Variants in FAIM observed in about 807,000 individuals in gnomAD.
FAIM encodes the protein fas apoptotic inhibitory molecule 1.
Under a neutral mutation model 21.2 loss-of-function variants are expected in FAIM, and 14 were observed. That is an observed-to-expected ratio of 0.66 (90% confidence interval 0.44 to 1.03). The LOEUF (loss-of-function observed/expected upper bound fraction) is 1.03. FAIM is among the 50% of genes least tolerant of loss of function. The probability of loss-of-function intolerance (pLI) is 0.00; values close to 1 mark genes in which losing one functional copy is unlikely to be tolerated. For synonymous variants in FAIM, 86 were observed against 80.4 expected (o/e 1.07, Z -0.37); for missense variants, 222 against 247.1 (o/e 0.90, Z 0.68).
intron 5 of FAIM, chr3:138,631,157 T>C (rs1359458608): frequency 7.0e-6 from 1 of 143,318 alleles, no homozygotes; most frequent in South Asian, 2.2e-4. Flanking sequence ...AAAAAAAAAA[T>C]GCAGTTGTAA....
intron 1 of FAIM, among the ~76,000 whole-genome samples, chr3:138,610,118 A>G (rs1013528939): frequency 5.3e-5 from 8 of 152,182 alleles, no homozygotes; most frequent in African/African-American, 1.9e-4. Flanking sequence ...TGAAAAGGGA[A>G]CCATGAGCAT....
At chr3:138,622,706 A>G (rs1421383249) in intron 4 of FAIM, among the ~76,000 whole-genome samples, 2 of 152,046 alleles carry the variant, frequency 1.3e-5, no homozygotes, top group African/African-American at 4.8e-5. Flanking sequence ...GCCAGGTTTT[A>G]TAGTGATGGA....
intron 1 of FAIM, among the ~76,000 whole-genome samples, chr3:138,613,308 C>A (rs924168252): frequency 6.6e-6 from 1 of 152,142 alleles, no homozygotes; most frequent in African/African-American, 2.4e-5. Context: ...GTGTGAGCCA[C>A]TGCGCCCGGC....
intron 1 of FAIM, among the ~76,000 whole-genome samples, chr3:138,613,575 T>G (rs1001862084): frequency 6.6e-6 from 1 of 152,166 alleles, no homozygotes; most frequent in Non-Finnish European, 1.5e-5. Flanking sequence ...CCTTGACCTC[T>G]CAGGCTTAAG....
chr3:138,621,354 G>T (rs2042882584), intron 2 of FAIM, 53 bp from the exon 3 acceptor site: 2 of 1,532,396 alleles, frequency 1.3e-6, no homozygotes, highest in East Asian at 4.5e-5. Context: ...GGATTAATTG[G>T]TTATTTAATT....
intron 5 of FAIM, chr3:138,630,374 C>G (rs2042992334): frequency 6.6e-6 from 1 of 152,088 alleles, no homozygotes; most frequent in Non-Finnish European, 1.5e-5. Flanking sequence ...TGGCTTCCTA[C>G]TTGGGAGGCT....
chr3:138,616,448 A>G (rs1274524168), intron 1 of FAIM, among the ~76,000 whole-genome samples: 1 of 152,148 alleles, frequency 6.6e-6, no homozygotes, highest in Non-Finnish European at 1.5e-5. Flanking sequence ...TGGCATGGTC[A>G]TGGCTCACTG....
intron 4 of FAIM, among the ~76,000 whole-genome samples, chr3:138,626,533 A>AT (rs2042940622): frequency 2.0e-5 from 3 of 152,144 alleles, no homozygotes; most frequent in Admixed American, 2.0e-4. Context: ...ACTTTTTCAT[A>AT]TTTTTTATAG....
At chr3:138,612,770 C>T (rs989196193) in intron 1 of FAIM, among the ~76,000 whole-genome samples, 1 of 152,164 alleles carries the variant, frequency 6.6e-6, no homozygotes, top group Admixed American at 6.5e-5. Context: ...TTTTGTATGA[C>T]AACTTCACCA....
intron 1 of FAIM, chr3:138,610,954 T>A (rs1210621565): frequency 6.2e-7 from 1 of 1,613,076 alleles, no homozygotes; most frequent in Admixed American, 1.7e-5. Context: ...GCCCATTCTA[T>A]CCTATGCTGC....
chr3:138,611,791 C>T lies in FAIM; in HGVS notation c.-17+2854C>T, dbSNP rs1177460813. Among the ~76,000 whole-genome samples the T allele has an allele frequency of 2.6e-5, 4 of 152,298 alleles. No individual in the cohort carries two copies. In the South Asian group the frequency reaches 6.2e-4, roughly 24 times the overall value. ...CCTGCTTTCTCTCTGGTCACATGCT[C>T]TCTACACAGCCAGCTCTCCTTTGCC... On this transcript the variant is annotated intron_variant, in intron 1 of 5. Coordinates refer to ENST00000360570, the MANE Select transcript of FAIM (RefSeq NM_001033031.2).
In FAIM at chr3:138,617,852, T is replaced by C. The variant is rs533237577; in HGVS notation, c.-16-1859T>C. The stretch of plus-strand genomic sequence containing the variant: ...ATAGTATATATCTATATATTATCTA[T>C]CTATATTATCTAATTAGATATCTAA... On this transcript the variant is annotated intron_variant, in intron 1 of 5. Coordinates refer to ENST00000360570, the MANE Select transcript of FAIM (RefSeq NM_001033031.2). Among the ~76,000 whole-genome samples, 77 of 146,728 alleles carry C rather than the reference T, an allele frequency of 5.2e-4. No individual in the cohort carries two copies. In the East Asian group the frequency reaches 0.013, roughly 25 times the overall value.
Position 138,633,084 on chromosome 3 carries a change from T to A in FAIM, c.*5T>A. 1 of 1,612,178 alleles carries A rather than the reference T, an allele frequency of 6.2e-7. No homozygotes were observed. Among genetic ancestry groups the A allele is most frequent in the Non-Finnish European group, 8.5e-7 (1 of 1,179,068 alleles). ...ATCCCAGAGATTGCAAGTTAATGAA[T>A]TTTCATCTTAAGAAGTAAAGATCAG... On this transcript the variant is annotated 3_prime_UTR_variant, in exon 6 of 6. Coordinates refer to ENST00000360570, the MANE Select transcript of FAIM (RefSeq NM_001033031.2).
chr3:138,617,751 A>G (rs2042842592), intron 1 of FAIM, among the ~76,000 whole-genome samples: 1 of 144,058 alleles, frequency 6.9e-6, no homozygotes, highest in Non-Finnish European at 1.5e-5. Flanking sequence ...GTGTATATAT[A>G]TATGTATGTA....
intron 5 of FAIM, chr3:138,630,373 A>G (rs1406138512): frequency 2.0e-5 from 3 of 152,136 alleles, no homozygotes; most frequent in Non-Finnish European, 4.4e-5. Context: ...GTGGCTTCCT[A>G]CTTGGGAGGC....
intron 1 of FAIM, among the ~76,000 whole-genome samples, chr3:138,614,654 T>C (rs1282074350): frequency 1.3e-5 from 2 of 152,026 alleles, no homozygotes; most frequent in East Asian, 1.9e-4. Context: ...TTAAAAGACA[T>C]GTACGACCAG....
At chr3:138,623,543 A>T (rs949406733) in intron 4 of FAIM, among the ~76,000 whole-genome samples, 6 of 151,954 alleles carry the variant, frequency 3.9e-5, no homozygotes, top group African/African-American at 9.7e-5. Flanking sequence ...CTTTAAAAAA[A>T]TTTTTTGTAG....
chr3:138,620,657 G>T (rs1379897919), intron 2 of FAIM, among the ~76,000 whole-genome samples: 2 of 152,014 alleles, frequency 1.3e-5, no homozygotes, highest in African/African-American at 4.8e-5. Flanking sequence ...CATCACGTGT[G>T]ACTAATATGT....
intron 5 of FAIM, chr3:138,629,449 T>C: frequency 4.3e-6 from 1 of 234,830 alleles, no homozygotes; most frequent in Admixed American, 5.5e-5. Context: ...GAGCCCCTAG[T>C]TAAAAAATTA....
Sources: gnomAD v4.1 joint callset for allele counts (sites outside exome capture counted in the v4.1 genomes callset) on GRCh38, gnomAD v4.1.1 for gene constraint, MANE v1.5 for transcripts, NCBI Gene and HGNC (gene_info 2026-07-23, HGNC 2026-07-21) for gene names.